VWA8: variants seen among roughly 807,000 people sequenced by gnomAD.
VWA8 encodes the protein von Willebrand factor A domain containing 8, also known as von Willebrand factor A domain-containing protein 8.
VWA8 carries 221 observed loss-of-function variants against 241.5 expected under a neutral mutation model. The ratio of observed to expected loss-of-function variants is 0.91; its 90% CI spans 0.82 to 1.02. The LOEUF (loss-of-function observed/expected upper bound fraction) is 1.02. Among genes scored for constraint, VWA8 ranks in the 50% least tolerant of loss-of-function variants. VWA8 has a pLI of 0.00. For missense variants in VWA8, 2,322 were observed against 2,328.7 expected (o/e 1.00, Z 0.06); for synonymous variants, 852 against 827.1 (o/e 1.03, Z -0.52).
At chr13:41,873,670 G>C (rs924139989) in intron 9 of VWA8, among the ~76,000 whole-genome samples, 1 of 152,068 alleles carries the variant, frequency 6.6e-6, no homozygotes, top group African/African-American at 2.4e-5. Flanking sequence ...AATAACAGGA[G>C]CTGAAATTGT....
intron 4 of VWA8, among the ~76,000 whole-genome samples, chr13:41,898,477 C>T (rs1288862397): frequency 6.6e-6 from 1 of 152,250 alleles, no homozygotes; most frequent in Non-Finnish European, 1.5e-5. Context: ...CATAAAGACT[C>T]TCCACATCCC....
At chr13:41,593,276 T>C (rs938281312) in intron 40 of VWA8, among the ~76,000 whole-genome samples, 8 of 152,182 alleles carry the variant, frequency 5.3e-5, no homozygotes, top group African/African-American at 1.9e-4. Flanking sequence ...GCATATAGAT[T>C]ATTAATTTTG....
At chr13:41,694,073 GTTCA>G (rs1336950708) in intron 29 of VWA8, among the ~76,000 whole-genome samples, 3 of 151,702 alleles carry the variant, frequency 2.0e-5, no homozygotes, top group Non-Finnish European at 2.9e-5. Flanking sequence ...TGAAGTGTTT[GTTCA>G]TTTTTTCCAT....
chr13:41,841,860 A>ATATATATATATATATATAT (rs1566478209), intron 12 of VWA8, among the ~76,000 whole-genome samples: 2 of 62,658 alleles, frequency 3.2e-5, no homozygotes, highest in East Asian at 4.5e-4. Flanking sequence ...TATATATATA[A>ATATATATATATATATATAT]AAACAGTAGA....
At chr13:41,584,963 G>A (rs1224353740) in intron 42 of VWA8, among the ~76,000 whole-genome samples, 2 of 152,032 alleles carry the variant, frequency 1.3e-5, no homozygotes, top group African/African-American at 4.8e-5. Context: ...CCCTCACTGG[G>A]CTACCCAGCA....
intron 2 of VWA8, among the ~76,000 whole-genome samples, chr13:41,945,753 G>A (rs746604779): frequency 1.3e-5 from 2 of 152,054 alleles, no homozygotes; most frequent in East Asian, 3.8e-4. Context: ...AAAGAAAAAT[G>A]AACTGAGTCT....
chr13:41,638,282 G>A (rs369327427), intron 37 of VWA8, among the ~76,000 whole-genome samples: 3 of 152,146 alleles, frequency 2.0e-5, no homozygotes, highest in Non-Finnish European at 2.9e-5. Context: ...TAAAACAGAA[G>A]AAATGGAGAA....
chr13:41,896,346 A>T lies in VWA8; in HGVS notation c.484-4759T>A, dbSNP rs947618887. Among the ~76,000 whole-genome samples the T allele has an allele frequency of 2.0e-5, 3 of 152,118 alleles. No homozygotes were observed. The East Asian group carries it at 5.8e-4, about 29-fold the overall frequency. On this transcript the variant is annotated intron_variant, in intron 4 of 44. Transcript: ENST00000379310. ...TTGGAAAAGAAATCCAAATGAATTT[A>T]AAAATTTAATGATACAAGTAAAATC...
chr13:41,609,387 G>A (rs1221245470), intron 39 of VWA8, among the ~76,000 whole-genome samples: 1 of 152,088 alleles, frequency 6.6e-6, no homozygotes, highest in Non-Finnish European at 1.5e-5. Flanking sequence ...TTGTGAGTTT[G>A]TATTTTTTTG....
intron 26 of VWA8, among the ~76,000 whole-genome samples, chr13:41,705,557 A>G (rs1202952715): frequency 6.6e-6 from 1 of 152,240 alleles, no homozygotes; most frequent in African/African-American, 2.4e-5. Flanking sequence ...CATAGAAGAC[A>G]TAATGTAACA....
At position 41,681,293 on chromosome 13, in the gene VWA8, T is replaced by C. The variant is rs1461044827; in HGVS notation, c.4327+3754A>G. Among the ~76,000 whole-genome samples, 5 of 152,286 alleles carry C rather than the reference T, an allele frequency of 3.3e-5. No individual in the cohort carries two copies. In the South Asian group the frequency reaches 1.0e-3, roughly 32 times the overall value. ...TATTCAGAGTTGAGCCCCATCTCTTTCCCTTACTACAAAACTTCTTTGCAG... is the reference window on the plus strand; with the variant it reads ...TATTCAGAGTTGAGCCCCATCTCTTCCCCTTACTACAAAACTTCTTTGCAG... On this transcript the variant is annotated intron_variant, in intron 35 of 44. Transcript: ENST00000379310.
intron 4 of VWA8, among the ~76,000 whole-genome samples, chr13:41,903,900 C>T (rs1030662170): frequency 1.3e-5 from 2 of 152,102 alleles, no homozygotes; most frequent in African/African-American, 4.8e-5. Context: ...GACCTCAAAA[C>T]GTCATCTGAA....
At chr13:41,670,878 G>C in intron 37 of VWA8, 68 bp downstream of exon 37, 1 of 1,566,010 alleles carries the variant, frequency 6.4e-7, no homozygotes, top group South Asian at 1.1e-5. Context: ...TTTCATGACT[G>C]TGGCATCTGG....
chr13:41,818,109 T>C (rs78617744), intron 15 of VWA8, among the ~76,000 whole-genome samples: 39,446 of 151,466 alleles, frequency 0.26, 5,177 homozygotes, highest in African/African-American at 0.31. Flanking sequence ...AATACAGGTG[T>C]GCACCAATAA....
At chr13:41,900,363 C>G (rs1169747291) in intron 4 of VWA8, among the ~76,000 whole-genome samples, 2 of 152,026 alleles carry the variant, frequency 1.3e-5, no homozygotes, top group Non-Finnish European at 2.9e-5. Flanking sequence ...ATAAGGAGCT[C>G]TTCTTGTCCT....
chr13:41,654,481 GT>G (rs1271168857), intron 37 of VWA8, among the ~76,000 whole-genome samples: 1 of 152,180 alleles, frequency 6.6e-6, no homozygotes, highest in Non-Finnish European at 1.5e-5. Context: ...GGATAAAACT[GT>G]TCCACGTCAG....
intron 37 of VWA8, among the ~76,000 whole-genome samples, chr13:41,657,921 A>G (rs1170060425): frequency 6.6e-6 from 1 of 152,254 alleles, no homozygotes; most frequent in Non-Finnish European, 1.5e-5. Context: ...TAAGACGTCT[A>G]CTGGAGTAAA....
At chr13:41,863,660 A>T (rs1013388825) in intron 12 of VWA8, among the ~76,000 whole-genome samples, 1 of 151,846 alleles carries the variant, frequency 6.6e-6, no homozygotes, top group African/African-American at 2.4e-5. Flanking sequence ...GAAGAAAATC[A>T]TGTCCTTTGC....
chr13:41,772,819 T>C (rs371325935), intron 20 of VWA8, among the ~76,000 whole-genome samples: 6 of 152,354 alleles, frequency 3.9e-5, no homozygotes, highest in Middle Eastern at 3.4e-3. Context: ...TCTAGTATCA[T>C]AGATTCTTAG....
Sources: allele counts gnomAD v4.1 joint callset (sites outside exome capture counted in the v4.1 genomes callset), GRCh38; gene constraint gnomAD v4.1.1; transcripts MANE v1.5; gene names NCBI Gene and HGNC (gene_info 2026-07-23, HGNC 2026-07-21).